PDE4D: variants seen among roughly 807,000 people sequenced by gnomAD.
PDE4D encodes the protein phosphodiesterase 4D.
In PDE4D, 24 loss-of-function variants were observed where a neutral mutation model predicts 87.4. The ratio of observed to expected loss-of-function variants is 0.27; its 90% CI spans 0.20 to 0.39. The LOEUF (loss-of-function observed/expected upper bound fraction) is 0.39. Ranked by LOEUF, PDE4D falls within the 10% of genes least tolerant of loss-of-function variation. The probability of loss-of-function intolerance (pLI) is 1.00; values close to 1 mark genes in which losing one functional copy is unlikely to be tolerated. For missense variants in PDE4D, 714 were observed against 1,041.0 expected, an observed-to-expected ratio of 0.69 and a Z score of 4.32; for synonymous variants, 384 against 383.2, an observed-to-expected ratio of 1.00 and a Z score of -0.02.
chr5:59,753,195 G>T (rs1005433070), intron 1 of PDE4D, among the ~76,000 whole-genome samples: 6 of 152,284 alleles, frequency 3.9e-5, no homozygotes, highest in African/African-American at 1.4e-4. Flanking sequence ...TCCTTAGTGG[G>T]AAGGAGCTAG....
chr5:59,199,951 C>T (rs930491996), intron 2 of PDE4D, among the ~76,000 whole-genome samples: 7 of 151,366 alleles, frequency 4.6e-5, no homozygotes, highest in Admixed American at 2.6e-4. Flanking sequence ...TATATACATA[C>T]ATGTATACAT....
intron 2 of PDE4D, among the ~76,000 whole-genome samples, chr5:60,077,967 A>T (rs1773499487): frequency 1.3e-5 from 2 of 152,102 alleles, no homozygotes; most frequent in Admixed American, 6.5e-5. Flanking sequence ...TCTGCAGCCC[A>T]GCATCTGTGT....
chr5:59,902,709 G>A (rs1752404249), intron 3 of PDE4D, among the ~76,000 whole-genome samples: 1 of 152,134 alleles, frequency 6.6e-6, no homozygotes, highest in Non-Finnish European at 1.5e-5. Context: ...ATCATCACCA[G>A]CAGAAGAGAT....
intron 1 of PDE4D, among the ~76,000 whole-genome samples, chr5:59,353,968 C>T (rs1026693624): frequency 6.6e-6 from 1 of 152,130 alleles, no homozygotes; most frequent in African/African-American, 2.4e-5. Context: ...ATTACTTTAA[C>T]AAATCAGACA....
In PDE4D at chr5:59,136,110, A is replaced by G. The variant is rs1392740425; in HGVS notation, c.808+44485T>C. Among the ~76,000 whole-genome samples, 3 of 152,228 alleles carry G rather than the reference A, an allele frequency of 2.0e-5. No homozygotes were observed. The East Asian group carries it at 5.8e-4, about 29-fold the overall frequency. On this transcript the variant is annotated intron_variant, in intron 5 of 14. Transcript: ENST00000340635. Reference sequence around the variant, plus strand: ...GAGTTCATTTTCTTAATATACTCAAAACATTAACATATCCATAAAAAATAA... The same window carrying G: ...GAGTTCATTTTCTTAATATACTCAAGACATTAACATATCCATAAAAAATAA...
At chr5:59,437,801 G>C (rs1446315053) in intron 1 of PDE4D, among the ~76,000 whole-genome samples, 1 of 152,126 alleles carries the variant, frequency 6.6e-6, no homozygotes, top group African/African-American at 2.4e-5. Context: ...AATAAAAGTG[G>C]TACAGCATCA....
chr5:60,128,988 A>G (rs939257840), intron 2 of PDE4D, among the ~76,000 whole-genome samples: 5 of 152,216 alleles, frequency 3.3e-5, no homozygotes. Flanking sequence ...GGAGAAAAAC[A>G]AAGTTCTATG....
At chr5:59,144,890 TGGGGGG>T (rs398064847) in intron 5 of PDE4D, among the ~76,000 whole-genome samples, 3 of 43,796 alleles carry the variant, frequency 6.8e-5, no homozygotes, top group Non-Finnish European at 1.6e-4. Context: ...TAGGGTTTAA[TGGGGGG>T]GGGGGGGGGA....
At chr5:59,300,919 G>C (rs1174241455) in intron 1 of PDE4D, among the ~76,000 whole-genome samples, 2 of 152,100 alleles carry the variant, frequency 1.3e-5, no homozygotes, top group African/African-American at 4.8e-5. Flanking sequence ...ACAGAACCCA[G>C]GGGAACACTT....
intron 1 of PDE4D, chr5:59,586,331 T>C: frequency 6.2e-7 from 1 of 1,604,202 alleles, no homozygotes. Flanking sequence ...TTACTCACCA[T>C]ATCCAGGAAT....
chr5:59,813,496 G>A (rs1768612788), intron 1 of PDE4D, among the ~76,000 whole-genome samples: 1 of 150,636 alleles, frequency 6.6e-6, no homozygotes, highest in Admixed American at 6.6e-5. Flanking sequence ...GCCTGTCATT[G>A]GTTACCTTTC....
At chr5:59,584,509 T>C (rs1824764389) in intron 1 of PDE4D, among the ~76,000 whole-genome samples, 1 of 152,200 alleles carries the variant, frequency 6.6e-6, no homozygotes, top group Admixed American at 6.5e-5. Flanking sequence ...GACTCTCAAC[T>C]TCTCCATACA....
chr5:60,494,008 G>C (rs994003174), intron 1 of PDE4D, among the ~76,000 whole-genome samples: 3 of 152,140 alleles, frequency 2.0e-5, no homozygotes, highest in Admixed American at 2.0e-4. Context: ...CTTTCTGCAA[G>C]ATTAAAATTC....
At chr5:59,457,175 T>C (rs1304327487) in intron 1 of PDE4D, among the ~76,000 whole-genome samples, 1 of 152,176 alleles carries the variant, frequency 6.6e-6, no homozygotes, top group Non-Finnish European at 1.5e-5. Context: ...TCAATAAATG[T>C]GGTAAACTTT....
intron 1 of PDE4D, among the ~76,000 whole-genome samples, chr5:60,312,946 T>C (rs920218524): frequency 3.3e-5 from 5 of 152,198 alleles, no homozygotes. Context: ...GAGGAAAGTT[T>C]ATAGTGCTAA....
chr5:60,386,447 G>A (rs371117395), intron 1 of PDE4D, among the ~76,000 whole-genome samples: 1 of 152,160 alleles, frequency 6.6e-6, no homozygotes, highest in Non-Finnish European at 1.5e-5. Context: ...CTGACAGTGA[G>A]CTGCCTTCAC....
chr5:59,809,034 G>C (rs1053153405), intron 1 of PDE4D, among the ~76,000 whole-genome samples: 1 of 152,064 alleles, frequency 6.6e-6, no homozygotes, highest in Non-Finnish European at 1.5e-5. Flanking sequence ...GTGACATATC[G>C]AGTCACTACC....
chr5:60,244,064 C>T (rs2149665973), intron 1 of PDE4D, among the ~76,000 whole-genome samples: 1 of 151,926 alleles, frequency 6.6e-6, no homozygotes, highest in Non-Finnish European at 1.5e-5. Context: ...CCTAAAGACT[C>T]TCTCAAAAAA....
At chr5:60,191,815 G>A (rs1785222093) in intron 1 of PDE4D, among the ~76,000 whole-genome samples, 2 of 151,960 alleles carry the variant, frequency 1.3e-5, no homozygotes. Context: ...TGGCCAACAT[G>A]GTGAAACTCT....
Sources: gnomAD v4.1 joint callset for allele counts (sites outside exome capture counted in the v4.1 genomes callset) on GRCh38, gnomAD v4.1.1 for gene constraint, MANE v1.5 for transcripts, NCBI Gene and HGNC (gene_info 2026-07-23, HGNC 2026-07-21) for gene names.